TAFA1: variants seen among roughly 807,000 people sequenced by gnomAD.
TAFA1 encodes chemokine-like protein TAFA-1.
Under a neutral mutation model 18.5 loss-of-function variants are expected in TAFA1, and 4 were observed. The ratio of observed to expected loss-of-function variants is 0.22; its 90% CI spans 0.11 to 0.49. TAFA1 has a LOEUF of 0.49. Among genes scored for constraint, TAFA1 ranks in the 20% least tolerant of loss-of-function variants. The pLI is 0.98. For missense variants in TAFA1, 147 were observed against 169.0 expected, an observed-to-expected ratio of 0.87 and a Z score of 0.72; for synonymous variants, 56 against 55.2, an observed-to-expected ratio of 1.01 and a Z score of -0.06.
intron 2 of TAFA1, among the ~76,000 whole-genome samples, chr3:68,022,391 C>T (rs1241481747): frequency 6.6e-6 from 1 of 152,140 alleles, no homozygotes; most frequent in Non-Finnish European, 1.5e-5. Context: ...GGGTTCCTGA[C>T]AGGACAGACA....
At chr3:68,325,313 C>T (rs2068759278) in intron 2 of TAFA1, among the ~76,000 whole-genome samples, 1 of 152,158 alleles carries the variant, frequency 6.6e-6, no homozygotes, top group Middle Eastern at 3.2e-3. Context: ...AGAGCCACAT[C>T]ATCTGGGTTT....
Position 68,350,913 on chromosome 3 carries a change from AATTCC to A in TAFA1, c.119-66363_119-66359del, listed in dbSNP as rs757355851. 1.4e-4 allele frequency among the ~76,000 whole-genome samples: 21 copies of A among 152,190 alleles called. 1 individual carries two copies. The East Asian group carries it at 2.3e-3, about 17-fold the overall frequency. ...CTTGTAGCTGGGAAACTGACTTTGA[AATTCC>A]ATTAAAGAATTCCTATGCTGAAGCA... is the stretch of plus-strand genomic sequence containing the variant. On this transcript the variant is annotated intron_variant, in intron 2 of 4. Coordinates refer to ENST00000478136, the MANE Select transcript of TAFA1 (RefSeq NM_213609.4).
intron 3 of TAFA1, among the ~76,000 whole-genome samples, chr3:68,490,931 C>T (rs1343227158): frequency 6.6e-6 from 1 of 151,948 alleles, no homozygotes; most frequent in Non-Finnish European, 1.5e-5. Flanking sequence ...CCGGACCTCC[C>T]AGGCTCAAGC....
At chr3:68,352,554 A>C (rs2069288091) in intron 2 of TAFA1, among the ~76,000 whole-genome samples, 1 of 151,944 alleles carries the variant, frequency 6.6e-6, no homozygotes, top group East Asian at 1.9e-4. Flanking sequence ...AGTAAAGGAG[A>C]ATTTATATTC....
At chr3:68,234,481 A>G (rs1453183433) in intron 2 of TAFA1, among the ~76,000 whole-genome samples, 1 of 152,214 alleles carries the variant, frequency 6.6e-6, no homozygotes, top group Non-Finnish European at 1.5e-5. Context: ...GAAGGAGAGT[A>G]TTTAGGATTC....
At chr3:68,119,070 G>C (rs927692547) in intron 2 of TAFA1, among the ~76,000 whole-genome samples, 1 of 150,824 alleles carries the variant, frequency 6.6e-6, no homozygotes, top group African/African-American at 2.4e-5. Context: ...TTTGATAGTA[G>C]CCATACATAT....
intron 2 of TAFA1, among the ~76,000 whole-genome samples, chr3:68,290,729 A>G (rs1281060262): frequency 6.6e-6 from 1 of 152,132 alleles, no homozygotes; most frequent in African/African-American, 2.4e-5. Context: ...TCCTTAATTG[A>G]TATCTGTATT....
At chr3:68,483,378 T>C (rs1252011202) in intron 3 of TAFA1, among the ~76,000 whole-genome samples, 1 of 152,238 alleles carries the variant, frequency 6.6e-6, no homozygotes, top group Non-Finnish European at 1.5e-5. Context: ...CGGATCTATA[T>C]AATGCTTCAT....
chr3:67,992,560 C>A, the TAFA1 span, among the ~76,000 whole-genome samples: 1 of 152,246 alleles, frequency 6.6e-6, no homozygotes, highest in African/African-American at 2.4e-5. Flanking sequence ...TTCATGTGCC[C>A]TCAGTCAGGA....
At chr3:68,088,977 C>T (rs745611421) in intron 2 of TAFA1, among the ~76,000 whole-genome samples, 74 of 152,058 alleles carry the variant, frequency 4.9e-4, no homozygotes, top group African/African-American at 1.5e-3. Flanking sequence ...TATAACTCTA[C>T]GGTTTTTGGC....
chr3:68,537,833 T>C (rs1021563698), intron 3 of TAFA1, among the ~76,000 whole-genome samples: 2 of 152,234 alleles, frequency 1.3e-5, no homozygotes, highest in African/African-American at 4.8e-5. Context: ...CTGTGGGTTC[T>C]TCCTGTCCAC....
chr3:68,480,236 CAAAAAA>C (rs35040879), intron 3 of TAFA1, among the ~76,000 whole-genome samples: 2 of 127,064 alleles, frequency 1.6e-5, no homozygotes, highest in East Asian at 2.3e-4. Flanking sequence ...ACTAAAAATA[CAAAAAA>C]AAAAAAAAAA....
In TAFA1 at chr3:68,305,736, A is replaced by G. The variant is rs139057374; in HGVS notation, c.119-111544A>G. Among the ~76,000 whole-genome samples the G allele has an allele frequency of 7.6e-4, 116 of 152,038 alleles. 1 individual carries two copies. The East Asian group carries it at 0.021, about 27-fold the overall frequency. ...GTATCACCAAGGGAAGAGGATATGTAATAGGAATATTGAGAGGCATCAGTG... is the reference window on the plus strand; with the variant it reads ...GTATCACCAAGGGAAGAGGATATGTGATAGGAATATTGAGAGGCATCAGTG... On this transcript the variant is annotated intron_variant, in intron 2 of 4. Coordinates refer to ENST00000478136, the MANE Select transcript of TAFA1 (RefSeq NM_213609.4).
At chr3:68,339,850 A>C (rs906107250) in intron 2 of TAFA1, among the ~76,000 whole-genome samples, 1 of 152,158 alleles carries the variant, frequency 6.6e-6, no homozygotes, top group Non-Finnish European at 1.5e-5. Context: ...TGTACTGTTC[A>C]CCGATTTGTA....
At chr3:68,300,321 G>A (rs1386589754) in intron 2 of TAFA1, among the ~76,000 whole-genome samples, 2 of 152,176 alleles carry the variant, frequency 1.3e-5, no homozygotes, top group Non-Finnish European at 2.9e-5. Context: ...CTGCCCAGGT[G>A]TAATTCAGAC....
intron 2 of TAFA1, among the ~76,000 whole-genome samples, chr3:68,252,466 G>A (rs1251974427): frequency 6.6e-6 from 1 of 152,052 alleles, no homozygotes; most frequent in African/African-American, 2.4e-5. Context: ...ACAGTACTGG[G>A]CCCATGGTCC....
At chr3:68,461,957 G>A (rs890344468) in intron 3 of TAFA1, among the ~76,000 whole-genome samples, 2 of 152,054 alleles carry the variant, frequency 1.3e-5, no homozygotes, top group African/African-American at 4.8e-5. Context: ...AAAGTGGGGG[G>A]AAAATCAAAC....
chr3:68,003,823 T>A (rs1188547371), upstream of TAFA1, among the ~76,000 whole-genome samples: 1 of 152,228 alleles, frequency 6.6e-6, no homozygotes, highest in African/African-American at 2.4e-5. Flanking sequence ...GACTTATGCA[T>A]ATACGCATCT....
At chr3:68,194,828 A>G (rs2066391738) in intron 2 of TAFA1, among the ~76,000 whole-genome samples, 1 of 151,642 alleles carries the variant, frequency 6.6e-6, no homozygotes, top group South Asian at 2.1e-4. Context: ...GGTTGGTGTG[A>G]GGTTTTGTTG....
Sources: gnomAD v4.1 joint callset for allele counts (sites outside exome capture counted in the v4.1 genomes callset) on GRCh38, gnomAD v4.1.1 for gene constraint, MANE v1.5 for transcripts, NCBI Gene and HGNC (gene_info 2026-07-23, HGNC 2026-07-21) for gene names.